NEGR1: variants seen among roughly 807,000 people sequenced by gnomAD.
The protein encoded by NEGR1 is IgLON family member 4.
NEGR1 carries 10 observed loss-of-function variants against 40.9 expected under a neutral mutation model. The observed-to-expected ratio is 0.24, with a 90% CI of 0.15 to 0.42. NEGR1 has a LOEUF of 0.42. NEGR1 is among the 10% of genes least tolerant of loss of function. NEGR1 has a pLI of 1.00. For missense variants in NEGR1, 352 were observed against 438.9 expected, an observed-to-expected ratio of 0.80 and a Z score of 1.77; for synonymous variants, 185 against 166.8, an observed-to-expected ratio of 1.11 and a Z score of -0.84.
At chr1:71,683,997 G>A (rs2101613498) in intron 4 of NEGR1, among the ~76,000 whole-genome samples, 1 of 152,266 alleles carries the variant, frequency 6.6e-6, no homozygotes, top group Admixed American at 6.5e-5. Context: ...GGGGCTGAGT[G>A]CAGTGGCTCA....
chr1:71,658,131 G>A (rs192299987), intron 4 of NEGR1, among the ~76,000 whole-genome samples: 10 of 152,260 alleles, frequency 6.6e-5, no homozygotes, highest in African/African-American at 1.9e-4. Flanking sequence ...GTATTATGTT[G>A]AAAGTTGTTT....
At chr1:71,756,415 A>AC (rs1655742948) in intron 3 of NEGR1, among the ~76,000 whole-genome samples, 1 of 151,494 alleles carries the variant, frequency 6.6e-6, no homozygotes, top group African/African-American at 2.4e-5. Flanking sequence ...AACAAACAAA[A>AC]AAAAAAAACC....
At chr1:71,770,567 A>C (rs1005860147) in intron 3 of NEGR1, among the ~76,000 whole-genome samples, 1 of 152,240 alleles carries the variant, frequency 6.6e-6, no homozygotes, top group Non-Finnish European at 1.5e-5. Flanking sequence ...GAAGTAAGGC[A>C]GAAAATATGA....
chr1:71,483,175 A>G (rs1412407790), intron 6 of NEGR1, among the ~76,000 whole-genome samples: 4 of 151,568 alleles, frequency 2.6e-5, no homozygotes, highest in Non-Finnish European at 5.9e-5. Context: ...TCCACCAGGC[A>G]TTGCATTTTC....
chr1:72,264,897 A>T (rs980445611), intron 1 of NEGR1, among the ~76,000 whole-genome samples: 3 of 150,768 alleles, frequency 2.0e-5, no homozygotes, highest in Admixed American at 2.0e-4. Flanking sequence ...TACAGATGGA[A>T]AACACATTAA....
chr1:71,985,821 G>T (rs1273868575), intron 1 of NEGR1, among the ~76,000 whole-genome samples: 1 of 152,040 alleles, frequency 6.6e-6, no homozygotes, highest in Non-Finnish European at 1.5e-5. Flanking sequence ...TATTTAATAG[G>T]CTTGTTTATT....
At chr1:72,045,009 G>T (rs1480240665) in intron 1 of NEGR1, among the ~76,000 whole-genome samples, 4 of 151,696 alleles carry the variant, frequency 2.6e-5, no homozygotes, top group African/African-American at 4.8e-5. Context: ...ATAAAAGATG[G>T]TGCTCAAGAA....
intron 4 of NEGR1, among the ~76,000 whole-genome samples, chr1:71,633,464 G>C (rs539125301): frequency 6.6e-6 from 1 of 152,200 alleles, no homozygotes; most frequent in South Asian, 2.1e-4. Flanking sequence ...GGAGGAGTTT[G>C]AGTCTAAAAG....
chr1:72,247,631 T>C (rs972696875), intron 1 of NEGR1, among the ~76,000 whole-genome samples: 1 of 152,180 alleles, frequency 6.6e-6, no homozygotes, highest in Non-Finnish European at 1.5e-5. Context: ...CATATTTCTA[T>C]CAGCATTTTG....
intron 3 of NEGR1, among the ~76,000 whole-genome samples, chr1:71,702,236 A>G (rs1653722453): frequency 6.6e-6 from 1 of 152,088 alleles, no homozygotes; most frequent in East Asian, 1.9e-4. Flanking sequence ...TTCAATGGAT[A>G]TTACTCGTGA....
intron 1 of NEGR1, among the ~76,000 whole-genome samples, chr1:72,167,826 G>C (rs1651819479): frequency 6.6e-6 from 1 of 151,586 alleles, no homozygotes; most frequent in African/African-American, 2.4e-5. Context: ...TCTGAGTTTT[G>C]GATCAATCGC....
chr1:71,526,624 G>A (rs548577336), intron 6 of NEGR1, among the ~76,000 whole-genome samples: 38 of 151,446 alleles, frequency 2.5e-4, no homozygotes, highest in African/African-American at 5.6e-4. Flanking sequence ...TATGTTTGCC[G>A]TTGCAATAAT....
intron 1 of NEGR1, among the ~76,000 whole-genome samples, chr1:72,107,543 T>G (rs1379525517): frequency 6.6e-6 from 1 of 151,678 alleles, no homozygotes; most frequent in Admixed American, 6.6e-5. Flanking sequence ...AGATTTTTTT[T>G]AGGCAAAAAG....
At chr1:72,216,404 T>TATATAC (rs1557582832) in intron 1 of NEGR1, among the ~76,000 whole-genome samples, 145 of 131,154 alleles carry the variant, frequency 1.1e-3, no homozygotes, top group African/African-American at 4.6e-3. Flanking sequence ...TATATATACA[T>TATATAC]ATATATATAT....
At chr1:71,421,805 A>T (rs1646396712) in intron 6 of NEGR1, among the ~76,000 whole-genome samples, 1 of 152,128 alleles carries the variant, frequency 6.6e-6, no homozygotes, top group African/African-American at 2.4e-5. Flanking sequence ...CATAATACAT[A>T]ATTGCACTTG....
intron 3 of NEGR1, among the ~76,000 whole-genome samples, chr1:71,742,114 G>A (rs746374452): frequency 3.3e-5 from 5 of 152,152 alleles, no homozygotes; most frequent in South Asian, 2.1e-4. Context: ...GTGCACTTAT[G>A]AAAAGAGACA....
At chr1:71,806,312 G>A (rs1657769334) in intron 2 of NEGR1, among the ~76,000 whole-genome samples, 2 of 151,958 alleles carry the variant, frequency 1.3e-5, no homozygotes, top group Admixed American at 6.6e-5. Flanking sequence ...TCATCTTAAA[G>A]TTCTGTCTTT....
chr1:71,597,472 C>CTCTCTCTCTCTGTG lies in NEGR1; in HGVS notation c.789-4505_789-4504insCACAGAGAGAGAGA, dbSNP rs756076229. ...TCTCTCTCTCTCTCTCTCTCTCTCTCTGTGTGTGTGTGTGTGTGTGTGTGT... is the reference window on the plus strand; with the variant it reads ...TCTCTCTCTCTCTCTCTCTCTCTCTCTCTCTCTCTCTGTGTGTGTGTGTGTGTGTGTGTGTGTGT... On this transcript the variant is annotated intron_variant, in intron 5 of 6. Transcript: ENST00000357731. Among the ~76,000 whole-genome samples the CTCTCTCTCTCTGTG allele has an allele frequency of 1.6e-3, 49 of 31,322 alleles. 2 individuals carry two copies. Among genetic ancestry groups the CTCTCTCTCTCTGTG allele is most frequent in the African/African-American group, 4.4e-3 (44 of 9,944 alleles). The allele number at this position is 31,322 out of a possible 152,430, so 20.5% of individuals were successfully genotyped here. A position where few individuals can be genotyped will look rare whatever the true frequency, so the allele number is the denominator to read the frequency against.
chr1:71,983,113 T>G (rs1365264546), intron 1 of NEGR1, among the ~76,000 whole-genome samples: 2 of 152,148 alleles, frequency 1.3e-5, no homozygotes, highest in African/African-American at 4.8e-5. Context: ...GAAAACAACA[T>G]GGGTCATAAA....
Sources: allele counts gnomAD v4.1 joint callset (sites outside exome capture counted in the v4.1 genomes callset), GRCh38; gene constraint gnomAD v4.1.1; transcripts MANE v1.5; gene names NCBI Gene and HGNC (gene_info 2026-07-23, HGNC 2026-07-21).